ZSWIM5: variants seen among roughly 807,000 people sequenced by gnomAD.
ZSWIM5 encodes zinc finger SWIM domain-containing protein 5.
Under a neutral mutation model 119.6 loss-of-function variants are expected in ZSWIM5, and 55 were observed. That is an observed-to-expected ratio of 0.46 (90% CI 0.37 to 0.58). The LOEUF is 0.58. Among genes scored for constraint, ZSWIM5 ranks in the 20% least tolerant of loss-of-function variants. The pLI, the probability that ZSWIM5 is intolerant of heterozygous loss-of-function variation, is 0.00. For missense variants in ZSWIM5, 1,193 were observed against 1,512.8 expected (o/e 0.79, Z 3.51); for synonymous variants, 537 against 606.9 (o/e 0.88, Z 1.69).
intron 1 of ZSWIM5, among the ~76,000 whole-genome samples, chr1:45,128,078 T>A (rs1197770546): frequency 1.3e-5 from 2 of 152,174 alleles, no homozygotes; most frequent in African/African-American, 4.8e-5. Flanking sequence ...TTAATGTAAT[T>A]CCCATCAAAA....
intron 1 of ZSWIM5, among the ~76,000 whole-genome samples, chr1:45,187,173 T>C (rs184867246): frequency 1.4e-4 from 21 of 152,106 alleles, no homozygotes; most frequent in Non-Finnish European, 2.8e-4. Flanking sequence ...AAGAATAAAG[T>C]TGGAGGACTC....
chr1:45,043,004 G>T (rs891089924), intron 6 of ZSWIM5, among the ~76,000 whole-genome samples: 2 of 152,172 alleles, frequency 1.3e-5, no homozygotes, highest in African/African-American at 4.8e-5. Flanking sequence ...TAGAGGACAG[G>T]ATGCAAATTC....
intron 1 of ZSWIM5, among the ~76,000 whole-genome samples, chr1:45,132,487 C>T (rs1218579382): frequency 1.3e-5 from 2 of 152,042 alleles, no homozygotes; most frequent in Non-Finnish European, 2.9e-5. Flanking sequence ...TCCCTGTGCC[C>T]TAAAAACAAG....
intron 1 of ZSWIM5, among the ~76,000 whole-genome samples, chr1:45,101,811 G>T (rs1315661694): frequency 6.6e-6 from 1 of 152,146 alleles, no homozygotes; most frequent in East Asian, 1.9e-4. Flanking sequence ...AACACCGCAT[G>T]TTCTCACTCA....
At position 45,088,102 on chromosome 1, in the gene ZSWIM5, T is replaced by C; in HGVS notation, c.731A>G (p.Tyr244Cys). The change falls in exon 2 of 14, where the codon TAC becomes TGC. Residue 244 changes from tyrosine (Y) to cysteine (C), a missense_variant. Physicochemically the swap from Tyr to Cys is radical, Grantham distance 194. Around this residue, in one of 2 missense-constraint regions of ZSWIM5, gnomAD observed 961 missense variants for 1,290.0 expected, o/e 0.74. Transcript: ENST00000359600. The surrounding 1 kb of genome is among the most constrained non-coding windows in gnomAD (Gnocchi z 4.2). ...TGAGAGTGCTACCACATGGGCACAG[T>C]AGAATATGTCCTTGTTCCCACAGCC... ...TCGCGNKDIF[Y>C]CAHVVALSLY... 6.2e-7 allele frequency: 1 copy of C among 1,614,186 alleles called. No individual in the cohort carries two copies. Among genetic ancestry groups the C allele is most frequent in the Non-Finnish European group, 8.5e-7 (1 of 1,180,020 alleles).
rs201416973 is a variant in ZSWIM5 at position 45,040,366 on chromosome 1, G to T, written c.1756+26C>A. The stretch of plus-strand genomic sequence containing the variant: ...TCCTCATCAGCTTTGGGCCTAAGGG[G>T]GTTAGATGGCTCCTAATTACTATAC... On this transcript the variant is annotated intron_variant, in intron 7 of 13. Coordinates refer to ENST00000359600, the MANE Select transcript of ZSWIM5 (RefSeq NM_020883.2). 6.3e-5 allele frequency: 99 copies of T among 1,583,488 alleles called. No individual in the cohort carries two copies. In the Middle Eastern group the frequency reaches 1.0e-3, roughly 17 times the overall value.
chr1:45,108,176 G>A (rs1232855987), intron 1 of ZSWIM5, among the ~76,000 whole-genome samples: 1 of 152,140 alleles, frequency 6.6e-6, no homozygotes, highest in South Asian at 2.1e-4. Context: ...CATTTCTTTG[G>A]AGAAATAATG....
chr1:45,198,025 C>A (rs1335005178), intron 1 of ZSWIM5, among the ~76,000 whole-genome samples: 1 of 152,230 alleles, frequency 6.6e-6, no homozygotes, highest in Non-Finnish European at 1.5e-5. Flanking sequence ...AGCAGACCAT[C>A]CACATCAATT....
chr1:45,088,287 T>C lies in ZSWIM5; in HGVS notation c.596-50A>G. 1.5e-6 allele frequency: 2 copies of C among 1,316,280 alleles called. No homozygotes were observed. Among genetic ancestry groups the C allele is most frequent in the Non-Finnish European group, 2.1e-6 (2 of 957,236 alleles). 81.5% of individuals were successfully genotyped at this position (1,316,280 alleles called of 1,614,324 possible). ...GTTTAGAGATTCTAGAGTAATAAAC[T>C]TAGATTCTCATTTTACATGTAAATT... On this transcript the variant is annotated intron_variant, in intron 1 of 13. Transcript: ENST00000359600. The surrounding 1 kb of genome is among the most constrained non-coding windows in gnomAD (Gnocchi z 4.2).
chr1:45,074,671 C>A (rs187003471), intron 2 of ZSWIM5, among the ~76,000 whole-genome samples: 19 of 151,668 alleles, frequency 1.3e-4, no homozygotes, highest in African/African-American at 4.4e-4. Context: ...AAAAAACCAA[C>A]CTTTTGTTTT....
chr1:45,181,243 G>A (rs1470943254), intron 1 of ZSWIM5, among the ~76,000 whole-genome samples: 1 of 152,086 alleles, frequency 6.6e-6, no homozygotes, highest in Non-Finnish European at 1.5e-5. Flanking sequence ...GCTTAAAGGA[G>A]CTGATGGAGC....
intron 1 of ZSWIM5, among the ~76,000 whole-genome samples, chr1:45,148,106 A>C (rs976785996): frequency 4.6e-5 from 7 of 152,220 alleles, no homozygotes; most frequent in African/African-American, 1.7e-4. Context: ...TTCAAGTGAA[A>C]GGATCTCTGT....
intron 1 of ZSWIM5, among the ~76,000 whole-genome samples, chr1:45,161,001 T>TTTTTTTTTTTTTTTTTTTTTTTTTTTC (rs1645860959): frequency 6.7e-6 from 1 of 149,348 alleles, no homozygotes; most frequent in Non-Finnish European, 1.5e-5. Flanking sequence ...TTTTTTTTTT[T>TTTTTTTTTTTTTTTTTTTTTTTTTTTC]TTTTTAGTAG....
intron 2 of ZSWIM5, among the ~76,000 whole-genome samples, chr1:45,062,726 C>T (rs1645160209): frequency 6.6e-6 from 1 of 152,060 alleles, no homozygotes; most frequent in Non-Finnish European, 1.5e-5. Context: ...AGGCTGGTCT[C>T]GAACTCCTGG....
At position 45,190,675 on chromosome 1, in the gene ZSWIM5, T is replaced by A. The variant is rs377639644; in HGVS notation, c.595+15081A>T. Among the ~76,000 whole-genome samples the A allele has an allele frequency of 2.6e-5, 4 of 152,140 alleles. No homozygotes were observed. The East Asian group carries it at 7.7e-4, about 29-fold the overall frequency. On this transcript the variant is annotated intron_variant, in intron 1 of 13. Transcript: ENST00000359600. ...CTGCTGAGAGGTTACAGCTATGTCC[T>A]CCTCCATGAGCTGCCCTCAACCAAA...
intron 1 of ZSWIM5, among the ~76,000 whole-genome samples, chr1:45,150,003 T>C (rs1645786403): frequency 6.6e-6 from 1 of 151,382 alleles, no homozygotes; most frequent in Admixed American, 6.6e-5. Context: ...ACCACATCTC[T>C]ACAAAAAAAT....
chr1:45,125,492 C>CA (rs200951713), intron 1 of ZSWIM5, among the ~76,000 whole-genome samples: 3,227 of 145,108 alleles, frequency 0.022, 122 homozygotes, highest in African/African-American at 0.076. Context: ...TCAAAAAAAA[C>CA]AAAAAAAAAC....
chr1:45,161,088 T>G (rs1645861647), intron 1 of ZSWIM5, among the ~76,000 whole-genome samples: 1 of 151,126 alleles, frequency 6.6e-6, no homozygotes, highest in Non-Finnish European at 1.5e-5. Context: ...CCTCCCAAAG[T>G]GCTGGGAGTA....
chr1:45,035,192 T>C (rs1644975582), intron 10 of ZSWIM5, among the ~76,000 whole-genome samples: 1 of 152,248 alleles, frequency 6.6e-6, no homozygotes, highest in South Asian at 2.1e-4. Context: ...TTCTGTATAG[T>C]CTGCTACATC....
Sources: gnomAD v4.1 joint callset for allele counts (sites outside exome capture counted in the v4.1 genomes callset) on GRCh38, gnomAD v4.1.1 for gene constraint, gnomAD v4.1.1 regional missense constraint, Gnocchi (gnomAD v3.1) non-coding constraint, MANE v1.5 for transcripts, NCBI Gene and HGNC (gene_info 2026-07-23, HGNC 2026-07-21) for gene names.